PPM1B: variants seen among roughly 807,000 people sequenced by gnomAD.
The protein encoded by PPM1B is protein phosphatase, Mg2+/Mn2+ dependent 1B.
Under a neutral mutation model 43.0 loss-of-function variants are expected in PPM1B, and 22 were observed. The observed-to-expected ratio is 0.51, with a 90% CI of 0.37 to 0.73. The LOEUF (loss-of-function observed/expected upper bound fraction) is 0.73. Ranked by LOEUF, PPM1B falls within the 30% of genes least tolerant of loss-of-function variation. The probability of loss-of-function intolerance (pLI) is 0.00; values close to 1 mark genes in which losing one functional copy is unlikely to be tolerated. For synonymous variants in PPM1B, 217 were observed against 197.9 expected (o/e 1.10, Z -0.81); for missense variants, 632 against 584.2 (o/e 1.08, Z -0.84).
At chr2:44,195,981 T>A (rs1277715507) in intron 1 of PPM1B, among the ~76,000 whole-genome samples, 1 of 152,204 alleles carries the variant, frequency 6.6e-6, no homozygotes, top group Non-Finnish European at 1.5e-5. Flanking sequence ...CTGCCTATCA[T>A]GTTAAGTGAG....
intron 5 of PPM1B, among the ~76,000 whole-genome samples, chr2:44,229,387 C>CAGTA (rs1670369605): frequency 1.3e-5 from 2 of 151,622 alleles, no homozygotes; most frequent in Non-Finnish European, 2.9e-5. Flanking sequence ...ATTTTGAATC[C>CAGTA]CAGTCTAATC....
intron 1 of PPM1B, among the ~76,000 whole-genome samples, chr2:44,191,404 T>TG (rs1457349303): frequency 1.3e-5 from 2 of 152,054 alleles, no homozygotes; most frequent in African/African-American, 4.8e-5. Context: ...TTAGTAGAGA[T>TG]GGGGTTTCAC....
chr2:44,185,001 A>G (rs1036698118), intron 1 of PPM1B, among the ~76,000 whole-genome samples: 3 of 150,184 alleles, frequency 2.0e-5, no homozygotes, highest in African/African-American at 7.4e-5. Flanking sequence ...TGAAGAAGAC[A>G]TGTATTACTA....
At chr2:44,245,820 C>G (rs776402227), downstream of PPM1B, among the ~76,000 whole-genome samples, 14 of 152,160 alleles carry the variant, frequency 9.2e-5, no homozygotes, top group Non-Finnish European at 2.1e-4. Flanking sequence ...GCAATCCTGC[C>G]AAAAACTCCT....
chr2:44,232,496 G>T, downstream of PPM1B: 2 of 1,488,214 alleles, frequency 1.3e-6, no homozygotes, highest in Non-Finnish European at 1.8e-6. Flanking sequence ...CCCATCATTT[G>T]TTCATATTTG....
chr2:44,244,876 CTA>C (rs1439403618), downstream of PPM1B, among the ~76,000 whole-genome samples: 2 of 143,020 alleles, frequency 1.4e-5, no homozygotes, highest in Admixed American at 7.1e-5. Flanking sequence ...GTGTGTGTAT[CTA>C]TGTGTATATA....
chr2:44,205,346 T>G (rs1669130335), intron 2 of PPM1B, among the ~76,000 whole-genome samples: 1 of 145,946 alleles, frequency 6.9e-6, no homozygotes. Context: ...GGTGTGGGTG[T>G]GGGTGTGGGT....
chr2:44,202,077 T>C, intron 2 of PPM1B, 32 bp downstream of exon 2: 1 of 1,477,588 alleles, frequency 6.8e-7, no homozygotes, highest in East Asian at 2.3e-5. Context: ...TAAAATAACA[T>C]GTTAATTTTG....
downstream of PPM1B, among the ~76,000 whole-genome samples, chr2:44,245,871 C>T (rs151061892): frequency 1.3e-5 from 2 of 152,354 alleles, no homozygotes; most frequent in Admixed American, 1.3e-4. Flanking sequence ...TTCCTTCCTT[C>T]AGCACGCTGA....
chr2:44,209,444 A>T, intron 3 of PPM1B, 117 bp downstream of exon 3: 17 of 1,097,950 alleles, frequency 1.5e-5, no homozygotes, highest in Admixed American at 3.0e-5. Flanking sequence ...AAAAAAAAAA[A>T]TTTAGAGAGG....
downstream of PPM1B, chr2:44,232,979 C>G: frequency 1.1e-5 from 11 of 980,370 alleles, no homozygotes; most frequent in Non-Finnish European, 1.3e-5. Flanking sequence ...TAAACCCTTA[C>G]AAATTTTATG....
At chr2:44,246,696 G>A (rs1285616014), downstream of PPM1B, among the ~76,000 whole-genome samples, 2 of 152,162 alleles carry the variant, frequency 1.3e-5, no homozygotes, top group South Asian at 2.1e-4. Flanking sequence ...CTTAAGCGGA[G>A]GCTTCACTTT....
At chr2:44,212,135 C>T (rs963398117) in intron 3 of PPM1B, among the ~76,000 whole-genome samples, 44 of 152,274 alleles carry the variant, frequency 2.9e-4, no homozygotes, top group Admixed American at 2.5e-3. Context: ...CACAGACTCA[C>T]GGATTCCTGT....
intron 1 of PPM1B, among the ~76,000 whole-genome samples, chr2:44,195,198 T>C (rs1254086382): frequency 7.0e-6 from 1 of 143,614 alleles, no homozygotes; most frequent in Non-Finnish European, 1.5e-5. Flanking sequence ...TGGCCTTTTC[T>C]TTCTTTCTTT....
At chr2:44,212,556 G>A (rs897105639) in intron 3 of PPM1B, among the ~76,000 whole-genome samples, 3 of 152,202 alleles carry the variant, frequency 2.0e-5, no homozygotes, top group African/African-American at 7.2e-5. Flanking sequence ...GAAGGGAGAA[G>A]CTAGTCTGTT....
At chr2:44,223,279 G>C (rs890666551) in intron 5 of PPM1B, among the ~76,000 whole-genome samples, 6 of 152,086 alleles carry the variant, frequency 3.9e-5, no homozygotes, top group Non-Finnish European at 7.4e-5. Context: ...TCTTAGAGAA[G>C]GGAAGGAAAA....
intron 5 of PPM1B, chr2:44,218,967 C>G (rs1669851258): frequency 2.4e-6 from 1 of 423,734 alleles, no homozygotes; most frequent in African/African-American, 2.1e-5. Flanking sequence ...CCCTGTATGC[C>G]CACTTGGAAT....
chr2:44,238,067 A>AT (rs1185181613), downstream of PPM1B, among the ~76,000 whole-genome samples: 1 of 151,710 alleles, frequency 6.6e-6, no homozygotes, highest in African/African-American at 2.4e-5. Context: ...TGCCCAGCTA[A>AT]TTTTTTTGTA....
chr2:44,187,217 G>C (rs1482509326), intron 1 of PPM1B, among the ~76,000 whole-genome samples: 2 of 152,180 alleles, frequency 1.3e-5, no homozygotes, highest in Non-Finnish European at 2.9e-5. Flanking sequence ...TGTTGTCCAT[G>C]TTGTAGCATG....
Sources: gnomAD v4.1 joint callset for allele counts (sites outside exome capture counted in the v4.1 genomes callset) on GRCh38, gnomAD v4.1.1 for gene constraint, MANE v1.5 for transcripts, NCBI Gene and HGNC (gene_info 2026-07-23, HGNC 2026-07-21) for gene names.